Variants in STK39 observed in about 807,000 individuals in gnomAD.
STK39 encodes STE20/SPS1-related proline-alanine-rich protein kinase.
In STK39, 20 loss-of-function variants were observed where a neutral mutation model predicts 77.8. The ratio of observed to expected loss-of-function variants is 0.26; its 90% CI spans 0.18 to 0.37. STK39 has a LOEUF of 0.37. Among genes scored for constraint, STK39 ranks in the 10% least tolerant of loss-of-function variants. The pLI is 1.00. For missense variants in STK39, 479 were observed against 656.5 expected (o/e 0.73, Z 2.95); for synonymous variants, 246 against 234.1 (o/e 1.05, Z -0.47).
chr2:168,106,433 T>A (rs1686975842), intron 10 of STK39, among the ~76,000 whole-genome samples: 1 of 152,192 alleles, frequency 6.6e-6, no homozygotes, highest in Non-Finnish European at 1.5e-5. Context: ...TATTCATACC[T>A]CTTCTCCTAT....
chr2:168,204,217 C>T (rs1009004989), intron 1 of STK39, among the ~76,000 whole-genome samples: 4 of 152,182 alleles, frequency 2.6e-5, no homozygotes, highest in East Asian at 3.8e-4. Flanking sequence ...GGGAACTGCA[C>T]ATAAAGCGAG....
At chr2:167,990,131 C>T (rs1187267407) in intron 16 of STK39, among the ~76,000 whole-genome samples, 1 of 151,906 alleles carries the variant, frequency 6.6e-6, no homozygotes, top group Non-Finnish European at 1.5e-5. Context: ...GTAAGGAGGA[C>T]AATGAGATTT....
intron 17 of STK39, among the ~76,000 whole-genome samples, chr2:167,955,789 G>T (rs933288681): frequency 2.0e-5 from 3 of 152,204 alleles, no homozygotes; most frequent in Admixed American, 6.5e-5. Flanking sequence ...ACAGAACAGA[G>T]GTGGGAAGGG....
In STK39 at chr2:168,147,166, G is replaced by A. The variant is rs199712188; in HGVS notation, c.629-6408C>T. Among the ~76,000 whole-genome samples, 31 of 152,310 alleles carry A rather than the reference G, an allele frequency of 2.0e-4. No homozygotes were observed. The East Asian group carries it at 2.3e-3, about 11-fold the overall frequency. The stretch of plus-strand genomic sequence containing the variant: ...ACCCAACACAGAAAAACTGGTTTGA[G>A]GTTCACTGGTTAATCCTAAATGTCA... On this transcript the variant is annotated intron_variant, in intron 5 of 17. Coordinates refer to ENST00000355999, the MANE Select transcript of STK39 (RefSeq NM_013233.3).
intron 16 of STK39, among the ~76,000 whole-genome samples, chr2:167,967,400 C>T (rs546026628): frequency 1.6e-4 from 24 of 152,324 alleles, no homozygotes; most frequent in African/African-American, 5.8e-4. Context: ...ACACTCCTCC[C>T]ACCCGCCTGT....
At chr2:168,029,813 C>T (rs1684789122) in intron 14 of STK39, among the ~76,000 whole-genome samples, 1 of 152,180 alleles carries the variant, frequency 6.6e-6, no homozygotes, top group African/African-American at 2.4e-5. Flanking sequence ...CTGCCATGAA[C>T]ATGCAGGAGA....
intron 14 of STK39, among the ~76,000 whole-genome samples, chr2:168,026,540 G>A (rs1488194016): frequency 2.0e-5 from 3 of 152,152 alleles, no homozygotes; most frequent in African/African-American, 4.8e-5. Flanking sequence ...TTTGTGCCAG[G>A]AGCCATTAAC....
intron 2 of STK39, among the ~76,000 whole-genome samples, chr2:168,171,871 CA>C (rs879360220): frequency 0.05 from 5,214 of 104,444 alleles, 278 homozygotes; most frequent in East Asian, 0.28. Flanking sequence ...CTCCCCCCCA[CA>C]CACAAAACAT....
At chr2:168,107,799 C>T (rs1034667697) in intron 10 of STK39, among the ~76,000 whole-genome samples, 3 of 152,212 alleles carry the variant, frequency 2.0e-5, no homozygotes, top group Non-Finnish European at 4.4e-5. Context: ...TAACACTGTT[C>T]ATAGTGACTG....
intron 1 of STK39, among the ~76,000 whole-genome samples, chr2:168,211,116 T>C (rs1016010129): frequency 5.9e-5 from 9 of 152,166 alleles, no homozygotes; most frequent in African/African-American, 2.2e-4. Flanking sequence ...TTTAAAATCT[T>C]GCACCCTCAA....
intron 10 of STK39, among the ~76,000 whole-genome samples, chr2:168,105,690 A>G (rs944995857): frequency 6.6e-6 from 1 of 152,252 alleles, no homozygotes; most frequent in African/African-American, 2.4e-5. Context: ...TTTTAGAAGG[A>G]TTGCATGCAC....
chr2:167,956,023 A>AT (rs1339195187), intron 17 of STK39, among the ~76,000 whole-genome samples: 4 of 152,202 alleles, frequency 2.6e-5, no homozygotes, highest in Non-Finnish European at 5.9e-5. Context: ...TACCAAACTC[A>AT]TTTCTTCTAT....
intron 16 of STK39, among the ~76,000 whole-genome samples, chr2:167,983,426 C>A (rs909581593): frequency 2.1e-5 from 3 of 139,546 alleles, no homozygotes; most frequent in Non-Finnish European, 4.5e-5. Flanking sequence ...TGCACTCCAG[C>A]CTGCGCAACA....
At chr2:168,206,341 C>T (rs1318273949) in intron 1 of STK39, among the ~76,000 whole-genome samples, 1 of 149,788 alleles carries the variant, frequency 6.7e-6, no homozygotes, top group Non-Finnish European at 1.5e-5. Flanking sequence ...TTTCTTGTTG[C>T]CCAGGCTGGA....
chr2:167,976,783 GA>G (rs1683287056), intron 16 of STK39, among the ~76,000 whole-genome samples: 1 of 152,052 alleles, frequency 6.6e-6, no homozygotes, highest in South Asian at 2.1e-4. Context: ...AACTGTCTTT[GA>G]AAAACCCCTA....
At chr2:168,239,770 G>C (rs1428428170) in intron 1 of STK39, among the ~76,000 whole-genome samples, 1 of 152,232 alleles carries the variant, frequency 6.6e-6, no homozygotes, top group African/African-American at 2.4e-5. Flanking sequence ...AGACTTAACA[G>C]TCTAGAGCCA....
At chr2:168,138,013 C>G (rs974557328) in intron 8 of STK39, 75 bp downstream of exon 8, 21 of 1,540,778 alleles carry the variant, frequency 1.4e-5, no homozygotes, top group Middle Eastern at 3.5e-4. Context: ...CCTCACAAAG[C>G]CTTTCCCCAT....
intron 16 of STK39, among the ~76,000 whole-genome samples, chr2:167,993,229 A>C (rs576422034): frequency 6.6e-6 from 1 of 152,208 alleles, no homozygotes; most frequent in Non-Finnish European, 1.5e-5. Context: ...AAGCCCCACA[A>C]TGGGCTCATG....
intron 10 of STK39, among the ~76,000 whole-genome samples, chr2:168,088,151 C>A (rs1686419625): frequency 6.6e-6 from 1 of 152,074 alleles, no homozygotes; most frequent in Non-Finnish European, 1.5e-5. Flanking sequence ...AGAAAATATT[C>A]CTAATATTCT....
Sources: allele counts gnomAD v4.1 joint callset (sites outside exome capture counted in the v4.1 genomes callset), GRCh38; gene constraint gnomAD v4.1.1; transcripts MANE v1.5; gene names NCBI Gene and HGNC (gene_info 2026-07-23, HGNC 2026-07-21).